The following HTT variants were observed in gnomAD, a reference collection of about 807,000 sequenced individuals.
HTT encodes the protein huntington disease protein.
A neutral mutation model predicts 362.3 loss-of-function variants in HTT; 104 were observed. The ratio of observed to expected loss-of-function variants is 0.29; its 90% CI spans 0.24 to 0.34. HTT has a LOEUF of 0.34. Among genes scored for constraint, HTT ranks in the 10% least tolerant of loss-of-function variants. HTT has a pLI of 1.00. For missense variants in HTT, 3,301 were observed against 3,928.6 expected (o/e 0.84, Z 4.27); for synonymous variants, 1,577 against 1,548.7 (o/e 1.02, Z -0.43).
chr4:3,214,135 G>T lies in HTT; in HGVS notation c.6952G>T (p.Val2318Phe). The change falls in exon 50 of 67, where the codon GTT (valine) becomes TTT (phenylalanine). Residue 2318 changes from valine to phenylalanine, a missense_variant and splice_region_variant. Physicochemically the swap from Val to Phe is conservative, Grantham distance 50. Around this residue, in one of 4 missense-constraint regions of HTT, gnomAD observed 220 missense variants for 218.5 expected, o/e 1.01. Coordinates refer to ENST00000355072, the MANE Select transcript of HTT (RefSeq NM_001388492.1). ...IYCVHFILEA[V>F]AVQPGEQLLS... is the part of the protein sequence containing the mutation. Reference sequence around the variant, plus strand: ...CTGTGTGCACTTCATCCTGGAGGCCGGTGAGTCCCCGTCCATGAACGGTGG... The same window carrying T: ...CTGTGTGCACTTCATCCTGGAGGCCTGTGAGTCCCCGTCCATGAACGGTGG... 6.6e-7 allele frequency: 1 copy of T among 1,505,390 alleles called. No homozygotes were observed. 93.3% of individuals were successfully genotyped at this position (1,505,390 alleles called of 1,614,324 possible).
chr4:3,209,564 T>C (rs1474739350), intron 46 of HTT, among the ~76,000 whole-genome samples: 1 of 152,106 alleles, frequency 6.6e-6, no homozygotes, highest in African/African-American at 2.4e-5. Context: ...CCGCTAACCC[T>C]TAGTGGTTTA....
intron 53 of HTT, among the ~76,000 whole-genome samples, chr4:3,221,606 T>A (rs921730413): frequency 6.6e-6 from 1 of 152,230 alleles, no homozygotes; most frequent in Admixed American, 6.5e-5. Flanking sequence ...GGGACCCCGA[T>A]GTCCATTGCT....
intron 38 of HTT, 109 bp downstream of exon 38, chr4:3,186,828 TGAGA>T: frequency 4.2e-6 from 4 of 948,858 alleles, no homozygotes; most frequent in East Asian, 2.8e-5. Flanking sequence ...TAGGGCTTCT[TGAGA>T]GTTTGCTTTT....
intron 10 of HTT, chr4:3,123,142 T>G (rs1715367761): frequency 2.4e-6 from 1 of 409,898 alleles, no homozygotes; most frequent in African/African-American, 2.1e-5. Flanking sequence ...AAAATTACTT[T>G]CATATCAGAA....
chr4:3,163,185 A>G (rs913784581), intron 29 of HTT, among the ~76,000 whole-genome samples: 3 of 152,192 alleles, frequency 2.0e-5, no homozygotes, highest in Non-Finnish European at 4.4e-5. Flanking sequence ...TGAGATAATC[A>G]TATGGTTTTT....
chr4:3,172,392 C>G lies in HTT; in HGVS notation c.3937C>G (p.Gln1313Glu). The G allele has an allele frequency of 6.2e-7, 1 of 1,601,154 alleles. No homozygotes were observed. The highest frequency in any genetic ancestry group is 8.6e-7 in the Non-Finnish European group (1 of 1,168,262). ...ACCAATGATGGCAACTGTTTGTGTT[C>G]AACAAGTAAGAGCTTCATTCTTTTC... ...REPMMATVCVQQLLKTLFGTN... is the reference protein window; with the variant it reads ...REPMMATVCVEQLLKTLFGTN... The change falls in exon 30 of 67, where the codon CAA becomes GAA. Residue 1313 changes from glutamine to glutamate, a missense_variant. Gln to Glu is a conservative substitution (Grantham distance 29, BLOSUM62 2). Around this residue, in one of 4 missense-constraint regions of HTT, gnomAD observed 2,316 missense variants for 2,658.5 expected, o/e 0.87. Coordinates refer to ENST00000355072, the MANE Select transcript of HTT (RefSeq NM_001388492.1).
rs1321408384 is a variant in HTT at position 3,147,042 on chromosome 4, A to G, written c.3295+94A>G. On this transcript the variant is annotated intron_variant, in intron 25 of 66. Coordinates refer to ENST00000355072, the MANE Select transcript of HTT (RefSeq NM_001388492.1). ...GGTGAGCATATGAGGGGAAAATACT[A>G]TAAGGTCATTGCCAGTGATGGCTTG... 11 of 1,223,784 alleles carry G rather than the reference A, an allele frequency of 9.0e-6. No individual in the cohort carries two copies. The East Asian group carries it at 2.1e-4, about 23-fold the overall frequency. 75.8% of individuals were successfully genotyped at this position (1,223,784 alleles called of 1,614,324 possible).
At chr4:3,079,817 T>C (rs905574879) in intron 1 of HTT, among the ~76,000 whole-genome samples, 1 of 152,184 alleles carries the variant, frequency 6.6e-6, no homozygotes, top group African/African-American at 2.4e-5. Context: ...GCCACTGCAG[T>C]GCTCAGATAA....
intron 23 of HTT, among the ~76,000 whole-genome samples, chr4:3,144,015 T>C (rs562729805): frequency 1.1e-4 from 17 of 152,332 alleles, no homozygotes; most frequent in Non-Finnish European, 2.1e-4. Context: ...TGTGATGCTT[T>C]GGAGAATTTT....
intron 56 of HTT, 131 bp downstream of exon 56, chr4:3,224,262 C>T (rs567284973): frequency 6.6e-5 from 58 of 882,110 alleles, no homozygotes; most frequent in South Asian, 5.4e-4. Context: ...GTGCTAAATA[C>T]GCTGCCCCTT....
At chr4:3,091,429 T>C (rs984571458) in intron 2 of HTT, among the ~76,000 whole-genome samples, 5 of 152,232 alleles carry the variant, frequency 3.3e-5, no homozygotes, top group African/African-American at 1.2e-4. Flanking sequence ...TGAGGAAGGT[T>C]AACATTATAA....
At chr4:3,201,921 A>G (rs1404305892) in intron 41 of HTT, among the ~76,000 whole-genome samples, 1 of 152,162 alleles carries the variant, frequency 6.6e-6, no homozygotes, top group East Asian at 1.9e-4. Flanking sequence ...AGTTGCAGAA[A>G]TTCCTGCTGC....
intron 35 of HTT, among the ~76,000 whole-genome samples, chr4:3,179,522 A>G (rs972748892): frequency 4.6e-5 from 7 of 151,628 alleles, no homozygotes; most frequent in African/African-American, 1.7e-4. Flanking sequence ...GAGAGGTCAG[A>G]GTGTTTGTGT....
intron 18 of HTT, 144 bp downstream of exon 18, chr4:3,133,055 CT>C: frequency 1.5e-6 from 1 of 671,096 alleles, no homozygotes; most frequent in Non-Finnish European, 2.7e-6. Flanking sequence ...CATCTCTCAG[CT>C]TTAGAAAGAA....
chr4:3,147,239 G>A (rs363150), intron 25 of HTT, among the ~76,000 whole-genome samples: 1,805 of 152,146 alleles, frequency 0.012, 44 homozygotes, highest in African/African-American at 0.042. Context: ...GTACTCCCTC[G>A]GGCACTGGGA....
intron 64 of HTT, among the ~76,000 whole-genome samples, chr4:3,237,553 G>A (rs1299743119): frequency 1.3e-5 from 2 of 151,942 alleles, no homozygotes; most frequent in African/African-American, 4.8e-5. Flanking sequence ...TGTGGTGCAC[G>A]CCTTCCGCTT....
intron 27 of HTT, among the ~76,000 whole-genome samples, chr4:3,154,927 TTACCCATGAAAA>T (rs1717068223): frequency 6.6e-6 from 1 of 152,138 alleles, no homozygotes; most frequent in Non-Finnish European, 1.5e-5. Flanking sequence ...GGACCTTTTT[TTACCCATGAAAA>T]GGTCAGAACA....
At chr4:3,083,543 A>G (rs1403614847) in intron 1 of HTT, among the ~76,000 whole-genome samples, 18 of 108,838 alleles carry the variant, frequency 1.7e-4, no homozygotes, top group African/African-American at 8.4e-4. Flanking sequence ...ACACACACAC[A>G]CACACACACA....
At chr4:3,220,603 G>C (rs1331749610) in intron 53 of HTT, among the ~76,000 whole-genome samples, 1 of 152,170 alleles carries the variant, frequency 6.6e-6, no homozygotes, top group Non-Finnish European at 1.5e-5. Context: ...TTCTGCCTTA[G>C]ATTTTGCATT....
Sources: gnomAD v4.1 joint callset for allele counts (sites outside exome capture counted in the v4.1 genomes callset) on GRCh38, gnomAD v4.1.1 for gene constraint, gnomAD v4.1.1 regional missense constraint, MANE v1.5 for transcripts, NCBI Gene and HGNC (gene_info 2026-07-23, HGNC 2026-07-21) for gene names.